ZBTB2: variants seen among roughly 807,000 people sequenced by gnomAD.
ZBTB2 encodes the protein zinc finger and BTB domain-containing protein 2.
In ZBTB2, 2 loss-of-function variants were observed where a neutral mutation model predicts 39.5. The ratio of observed to expected loss-of-function variants is 0.05; its 90% CI spans 0.02 to 0.16. The LOEUF (loss-of-function observed/expected upper bound fraction) is 0.16, where lower values mean the gene tolerates loss of function less well. Among genes scored for constraint, ZBTB2 ranks in the 10% least tolerant of loss-of-function variants. The pLI is 1.00. For synonymous variants in ZBTB2, 251 were observed against 256.6 expected, an observed-to-expected ratio of 0.98 and a Z score of 0.21; for missense variants, 391 against 653.0, an observed-to-expected ratio of 0.60 and a Z score of 4.37.
chr6:151,370,605 T>C (rs1413929476), intron 2 of ZBTB2, among the ~76,000 whole-genome samples: 1 of 152,218 alleles, frequency 6.6e-6, no homozygotes, highest in African/African-American at 2.4e-5. Context: ...TGTCTGTGAT[T>C]TAAACATACC....
At chr6:151,375,090 A>T (rs1350695109) in intron 1 of ZBTB2, among the ~76,000 whole-genome samples, 1 of 152,146 alleles carries the variant, frequency 6.6e-6, no homozygotes, top group Non-Finnish European at 1.5e-5. Context: ...ACTGCACTCC[A>T]GCCTGGGTGA....
intron 1 of ZBTB2, chr6:151,378,008 A>T (rs1196747701): frequency 1.3e-5 from 2 of 152,150 alleles, no homozygotes; most frequent in African/African-American, 2.4e-5. Context: ...TTTTTAGACT[A>T]GTCAAGTGCA....
intron 1 of ZBTB2, among the ~76,000 whole-genome samples, chr6:151,386,634 TGAA>T (rs1313627790): frequency 6.6e-6 from 1 of 152,250 alleles, no homozygotes; most frequent in African/African-American, 2.4e-5. Context: ...AAAATTAATC[TGAA>T]GAAAATATAA....
intron 2 of ZBTB2, among the ~76,000 whole-genome samples, chr6:151,367,143 C>T (rs548802861): frequency 5.8e-4 from 86 of 148,642 alleles, no homozygotes; most frequent in South Asian, 5.1e-3. Context: ...TTTTTTGAGG[C>T]GGAGTCTCAC....
At chr6:151,377,170 T>G (rs1582919378) in intron 1 of ZBTB2, among the ~76,000 whole-genome samples, 2 of 147,128 alleles carry the variant, frequency 1.4e-5, no homozygotes, top group Non-Finnish European at 1.5e-5. Context: ...GGGTGTGGGG[T>G]AGTGGGTGGG....
At chr6:151,373,374 A>G in intron 2 of ZBTB2, 91 bp downstream of exon 2, 1 of 1,419,006 alleles carries the variant, frequency 7.0e-7, no homozygotes, top group Non-Finnish European at 9.8e-7. Flanking sequence ...GAGCTAGGAG[A>G]CGTAGAGAGA....
At chr6:151,367,732 G>A (rs9479017) in intron 2 of ZBTB2, among the ~76,000 whole-genome samples, 8,127 of 152,242 alleles carry the variant, frequency 0.053, 656 homozygotes, top group African/African-American at 0.18. Context: ...TATTTAGTCC[G>A]ATTTGACAGA....
At chr6:151,377,250 C>T (rs1320942820) in intron 1 of ZBTB2, among the ~76,000 whole-genome samples, 1 of 152,034 alleles carries the variant, frequency 6.6e-6, no homozygotes, top group African/African-American at 2.4e-5. Context: ...AAAATCCCAG[C>T]TGTGATACTG....
Position 151,365,290 on chromosome 6 carries a change from G to T in ZBTB2, c.*231C>A. ...AACCTCTCAAAATTTGAGTTTATAA[G>T]TATAATGACCATTATCTTTCCAATA... On this transcript the variant is annotated 3_prime_UTR_variant, in exon 3 of 3. Transcript: ENST00000325144. The surrounding 1 kb of genome is among the most constrained non-coding windows in gnomAD (Gnocchi z 5.6). 1 of 483,972 alleles carries T rather than the reference G, an allele frequency of 2.1e-6. No homozygotes were observed. 30.0% of individuals were successfully genotyped at this position (483,972 alleles called of 1,614,324 possible).
intron 1 of ZBTB2, among the ~76,000 whole-genome samples, 154 bp downstream of exon 1, chr6:151,391,266 G>A (rs946289190): frequency 6.6e-6 from 1 of 151,794 alleles, no homozygotes; most frequent in Non-Finnish European, 1.5e-5. Flanking sequence ...CGTAGCCCTG[G>A]TACGAGGGTC....
At chr6:151,373,865 A>AAAAC (rs1554336590) in intron 1 of ZBTB2, among the ~76,000 whole-genome samples, 10 of 112,224 alleles carry the variant, frequency 8.9e-5, no homozygotes, top group African/African-American at 2.7e-4. Context: ...AAAAAAAAAA[A>AAAAC]AAAAAAAAAA....
intron 1 of ZBTB2, among the ~76,000 whole-genome samples, chr6:151,385,510 A>G (rs1395457100): frequency 6.6e-6 from 1 of 152,220 alleles, no homozygotes; most frequent in Non-Finnish European, 1.5e-5. Flanking sequence ...TTTTCAGTGT[A>G]AGAATAGGAG....
intron 1 of ZBTB2, among the ~76,000 whole-genome samples, chr6:151,387,686 C>T (rs1779190652): frequency 6.6e-6 from 1 of 152,192 alleles, no homozygotes; most frequent in Admixed American, 6.5e-5. Flanking sequence ...AAGTACTTAG[C>T]CAGATACATA....
intron 1 of ZBTB2, among the ~76,000 whole-genome samples, chr6:151,378,757 G>A (rs571026056): frequency 2.0e-4 from 30 of 152,254 alleles, no homozygotes; most frequent in African/African-American, 4.6e-4. Context: ...CAGGTGTCAC[G>A]CTCATCAACA....
intron 2 of ZBTB2, 117 bp from the exon 3 acceptor site, chr6:151,367,009 T>G (rs1778666122): frequency 9.2e-7 from 1 of 1,085,160 alleles, no homozygotes; most frequent in Non-Finnish European, 1.3e-6. Flanking sequence ...TATCCTTGAT[T>G]TTTAGTAAGT....
chr6:151,367,197 T>C (rs371843721), intron 2 of ZBTB2, among the ~76,000 whole-genome samples: 47 of 152,082 alleles, frequency 3.1e-4, no homozygotes, highest in African/African-American at 9.6e-4. Context: ...CTCGGCTCAC[T>C]GCAAGCTCCG....
intron 1 of ZBTB2, among the ~76,000 whole-genome samples, chr6:151,384,431 G>T (rs1476377243): frequency 6.6e-6 from 1 of 152,164 alleles, no homozygotes; most frequent in Admixed American, 6.5e-5. Flanking sequence ...ACTGCTAGTG[G>T]TCTACAAAAG....
At position 151,365,727 on chromosome 6, in the gene ZBTB2, G is replaced by A; in HGVS notation, c.1339C>T (p.Pro447Ser). Reference protein sequence around the residue: ...MDNMLVQTNKPYKCNLCDKTF... With the variant: ...MDNMLVQTNKSYKCNLCDKTF... ...TTGTCACACAAGTTGCATTTGTAGG[G>A]TTTGTTTGTTTGCACCAGCATGTTG... The change falls in exon 3 of 3, where the codon CCC becomes TCC. Residue 447 changes from proline to serine, a missense_variant. Pro to Ser is a moderately conservative substitution (Grantham distance 74). Transcript: ENST00000325144. This position sits in a 1 kb window ranked among gnomAD's most constrained non-coding sequence, Gnocchi z 5.6. 1 of 1,614,194 alleles carries A rather than the reference G, an allele frequency of 6.2e-7. No homozygotes were observed. Among genetic ancestry groups the A allele is most frequent in the Non-Finnish European group, 8.5e-7 (1 of 1,180,042 alleles).
chr6:151,382,330 A>C (rs895137439), intron 1 of ZBTB2, among the ~76,000 whole-genome samples: 5 of 147,070 alleles, frequency 3.4e-5, no homozygotes, highest in Admixed American at 6.8e-5. Context: ...ATCTCAGCTC[A>C]CCACAACCTC....
Sources: gnomAD v4.1 joint callset for allele counts (sites outside exome capture counted in the v4.1 genomes callset) on GRCh38, gnomAD v4.1.1 for gene constraint, Gnocchi (gnomAD v3.1) non-coding constraint, MANE v1.5 for transcripts, NCBI Gene and HGNC (gene_info 2026-07-23, HGNC 2026-07-21) for gene names.